The following FGF2 variants were observed in gnomAD, a reference collection of about 807,000 sequenced individuals.
The protein encoded by FGF2 is fibroblast growth factor 2, also known as basic fibroblast growth factor bFGF.
Under a neutral mutation model 15.9 loss-of-function variants are expected in FGF2, and 13 were observed. The observed-to-expected ratio is 0.82, with a 90% CI of 0.53 to 1.30. FGF2 has a LOEUF of 1.30. FGF2 is among the 50% of genes most tolerant of loss of function. The pLI, the probability that FGF2 is intolerant of heterozygous loss-of-function variation, is 0.00. For missense variants in FGF2, 163 were observed against 196.9 expected, an observed-to-expected ratio of 0.83 and a Z score of 1.03; for synonymous variants, 90 against 78.4, an observed-to-expected ratio of 1.15 and a Z score of -0.78.
intron 1 of FGF2, among the ~76,000 whole-genome samples, chr4:122,844,569 C>G (rs202177749): frequency 1.6e-5 from 2 of 128,944 alleles, no homozygotes; most frequent in African/African-American, 7.1e-5. Flanking sequence ...TTCTTTCTTT[C>G]TTTTTCTTTC....
chr4:122,833,071 G>A (rs1324962791), intron 1 of FGF2, among the ~76,000 whole-genome samples: 1 of 152,210 alleles, frequency 6.6e-6, no homozygotes, highest in African/African-American at 2.4e-5. Context: ...CCAATATTCA[G>A]TGTTTATGTC....
chr4:122,877,324 G>C (rs1473428857), intron 2 of FGF2, among the ~76,000 whole-genome samples: 1 of 152,154 alleles, frequency 6.6e-6, no homozygotes. Flanking sequence ...TGTTGGCTGG[G>C]CTGGTCCTGA....
chr4:122,892,847 G>A lies in FGF2; in HGVS notation c.*451G>A. On this transcript the variant is annotated 3_prime_UTR_variant, in exon 3 of 3. Coordinates refer to ENST00000644866, the MANE Select transcript of FGF2 (RefSeq NM_001361665.2). ...GTGAATTTAATCAATTCCTTTCATA[G>A]TTTTATAATTCTCTGGCAGTTCCTT... 1 of 1,604,262 alleles carries A rather than the reference G, an allele frequency of 6.2e-7. No homozygotes were observed. Among genetic ancestry groups the A allele is most frequent in the Non-Finnish European group, 8.5e-7 (1 of 1,174,186 alleles).
At chr4:122,847,108 A>G (rs308418) in intron 1 of FGF2, among the ~76,000 whole-genome samples, 47,033 of 152,202 alleles carry the variant, frequency 0.31, 11,179 homozygotes, top group African/African-American at 0.66. Context: ...ACTTTCCTTC[A>G]GGAAATGATA....
rs891833866 is a variant in FGF2, at chr4:122,893,164, G to A, written c.*768G>A. 1 of 1,614,084 alleles carries A rather than the reference G, an allele frequency of 6.2e-7. No individual in the cohort carries two copies. The highest frequency in any genetic ancestry group is 8.5e-7 in the Non-Finnish European group (1 of 1,180,014). On this transcript the variant is annotated 3_prime_UTR_variant, in exon 3 of 3. Transcript: ENST00000644866. ...TTGTGTGCTGTTGCCGAATACTCAG[G>A]ACGGACCTGAATTCTGATTTTATAC... is the stretch of plus-strand genomic sequence containing the variant.
At position 122,892,408 on chromosome 4, in the gene FGF2, AC is replaced by A; in HGVS notation, c.*13del. 6.2e-7 allele frequency: 1 copy of A among 1,613,148 alleles called. No homozygotes were observed. On this transcript the variant is annotated 3_prime_UTR_variant, in exon 3 of 3. Coordinates refer to ENST00000644866, the MANE Select transcript of FGF2 (RefSeq NM_001361665.2). Reference sequence around the variant, plus strand: ...CTGCTAAGAGCTGATTTTAATGGCCACATCTAATCTCATTTCACATGAAAGA... The same window carrying A: ...CTGCTAAGAGCTGATTTTAATGGCCAATCTAATCTCATTTCACATGAAAGA...
intron 1 of FGF2, among the ~76,000 whole-genome samples, chr4:122,866,689 A>G (rs565244788): frequency 8.5e-5 from 13 of 152,352 alleles, no homozygotes; most frequent in African/African-American, 2.9e-4. Flanking sequence ...ACAGACCATA[A>G]CAAGTGTTGG....
At chr4:122,853,942 T>C (rs111588761) in intron 1 of FGF2, among the ~76,000 whole-genome samples, 4,633 of 152,286 alleles carry the variant, frequency 0.03, 120 homozygotes, top group African/African-American at 0.061. Context: ...CTATTAAAAA[T>C]AGACATTTGT....
At chr4:122,835,742 A>G (rs1376226640) in intron 1 of FGF2, among the ~76,000 whole-genome samples, 1 of 152,112 alleles carries the variant, frequency 6.6e-6, no homozygotes, top group African/African-American at 2.4e-5. Flanking sequence ...AATTTTAAGC[A>G]CTAACCAGAC....
At chr4:122,855,006 C>T (rs941813511) in intron 1 of FGF2, among the ~76,000 whole-genome samples, 9 of 152,088 alleles carry the variant, frequency 5.9e-5, no homozygotes, top group African/African-American at 9.7e-5. Context: ...ACACATGCCG[C>T]TCTGTTTTCT....
At chr4:122,860,798 A>G (rs41425047) in intron 1 of FGF2, among the ~76,000 whole-genome samples, 7,648 of 152,218 alleles carry the variant, frequency 0.05, 304 homozygotes, top group Non-Finnish European at 0.075. Flanking sequence ...AAACTAAGAA[A>G]TTGATACTGG....
chr4:122,834,472 A>G (rs936332168), intron 1 of FGF2, among the ~76,000 whole-genome samples: 1 of 152,132 alleles, frequency 6.6e-6, no homozygotes, highest in Admixed American at 6.5e-5. Context: ...AATCATTCTT[A>G]TGAGAGCACC....
At chr4:122,841,097 C>T (rs570751947) in intron 1 of FGF2, among the ~76,000 whole-genome samples, 25 of 152,168 alleles carry the variant, frequency 1.6e-4, no homozygotes, top group Admixed American at 8.5e-4. Context: ...AATATTTGAC[C>T]GAATTTCTCA....
chr4:122,870,019 T>C (rs149803378), intron 1 of FGF2, among the ~76,000 whole-genome samples: 2,905 of 152,242 alleles, frequency 0.019, 90 homozygotes, highest in African/African-American at 0.066. Flanking sequence ...CAACACCTAG[T>C]TTATTGAGAG....
chr4:122,876,590 A>T (rs1726850616), intron 2 of FGF2, among the ~76,000 whole-genome samples, 166 bp downstream of exon 2: 1 of 152,186 alleles, frequency 6.6e-6, no homozygotes, highest in African/African-American at 2.4e-5. Flanking sequence ...GCAAAAACTG[A>T]TGTGCTGAGG....
chr4:122,828,576 G>A (rs1018068833), intron 1 of FGF2, among the ~76,000 whole-genome samples: 12 of 152,162 alleles, frequency 7.9e-5, no homozygotes, highest in Non-Finnish European at 1.5e-4. Context: ...ATGTCATGAG[G>A]GGAGGTGGAG....
At chr4:122,891,810 C>T (rs1727196739) in intron 2 of FGF2, among the ~76,000 whole-genome samples, 1 of 152,152 alleles carries the variant, frequency 6.6e-6, no homozygotes, top group Non-Finnish European at 1.5e-5. Context: ...TGGTAACCTA[C>T]CTTGGGACTG....
At chr4:122,868,285 A>G (rs1456449805) in intron 1 of FGF2, among the ~76,000 whole-genome samples, 3 of 152,052 alleles carry the variant, frequency 2.0e-5, no homozygotes, top group African/African-American at 7.2e-5. Context: ...CCCACCCCAC[A>G]ACAGGCCCTG....
intron 1 of FGF2, among the ~76,000 whole-genome samples, chr4:122,842,993 C>G (rs974806458): frequency 5.3e-5 from 8 of 151,988 alleles, no homozygotes; most frequent in African/African-American, 1.9e-4. Flanking sequence ...CACAAAGTAC[C>G]ACTATATTAT....
Sources: allele counts gnomAD v4.1 joint callset (sites outside exome capture counted in the v4.1 genomes callset), GRCh38; gene constraint gnomAD v4.1.1; transcripts MANE v1.5; gene names NCBI Gene and HGNC (gene_info 2026-07-23, HGNC 2026-07-21).